KCNIP4: variants seen among roughly 807,000 people sequenced by gnomAD.
KCNIP4 encodes the protein potassium voltage-gated channel interacting protein 4, also known as Kv channel-interacting protein 4.
In KCNIP4, 12 loss-of-function variants were observed where a neutral mutation model predicts 34.0. That is an observed-to-expected ratio of 0.35 (90% confidence interval 0.23 to 0.57). The LOEUF (loss-of-function observed/expected upper bound fraction) is 0.57, where lower values mean the gene tolerates loss of function less well. Ranked by LOEUF, KCNIP4 falls within the 20% of genes least tolerant of loss-of-function variation. The probability of loss-of-function intolerance (pLI) is 0.83; values close to 1 mark genes in which losing one functional copy is unlikely to be tolerated. For missense variants in KCNIP4, 238 were observed against 311.7 expected (o/e 0.76, Z 1.78); for synonymous variants, 124 against 102.2 (o/e 1.21, Z -1.29).
intron 1 of KCNIP4, among the ~76,000 whole-genome samples, chr4:21,349,521 T>G (rs1305724828): frequency 6.6e-6 from 1 of 152,158 alleles, no homozygotes; most frequent in African/African-American, 2.4e-5. Context: ...AAACCTTTAA[T>G]GAAGCCGTAG....
chr4:20,798,607 A>C (rs1322796537), intron 3 of KCNIP4, among the ~76,000 whole-genome samples: 1 of 152,150 alleles, frequency 6.6e-6, no homozygotes, highest in African/African-American at 2.4e-5. Context: ...AGCTCTAGAG[A>C]ATAGCAAAGA....
At chr4:20,896,172 G>T (rs756100968) in intron 1 of KCNIP4, among the ~76,000 whole-genome samples, 1 of 152,036 alleles carries the variant, frequency 6.6e-6, no homozygotes, top group Non-Finnish European at 1.5e-5. Flanking sequence ...ATGCATGCTC[G>T]GTTTGCCAGT....
chr4:21,503,279 T>C (rs1733513401), intron 1 of KCNIP4, among the ~76,000 whole-genome samples: 1 of 152,106 alleles, frequency 6.6e-6, no homozygotes, highest in South Asian at 2.1e-4. Flanking sequence ...TAAATACACC[T>C]CTCTCATTAT....
chr4:21,748,740 T>G (rs1158680600), intron 1 of KCNIP4, among the ~76,000 whole-genome samples: 1 of 152,146 alleles, frequency 6.6e-6, no homozygotes, highest in Non-Finnish European at 1.5e-5. Flanking sequence ...TGTAGTCATC[T>G]GAACTGGCAA....
chr4:21,126,150 T>A (rs1750597612), intron 1 of KCNIP4, among the ~76,000 whole-genome samples: 1 of 152,064 alleles, frequency 6.6e-6, no homozygotes, highest in African/African-American at 2.4e-5. Context: ...TTACCAAGTA[T>A]AAACACAACG....
At chr4:21,468,901 C>A (rs763517463) in intron 1 of KCNIP4, among the ~76,000 whole-genome samples, 1 of 152,240 alleles carries the variant, frequency 6.6e-6, no homozygotes, top group South Asian at 2.1e-4. Flanking sequence ...TCTCACATTG[C>A]TCAACATCAT....
chr4:21,882,641 T>A (rs1442602689), intron 1 of KCNIP4, among the ~76,000 whole-genome samples: 1 of 152,108 alleles, frequency 6.6e-6, no homozygotes, highest in Non-Finnish European at 1.5e-5. Flanking sequence ...ACTGAGAGAC[T>A]GTACCAAAAG....
chr4:21,678,426 C>A (rs1050743014), intron 1 of KCNIP4, among the ~76,000 whole-genome samples: 1 of 150,460 alleles, frequency 6.6e-6, no homozygotes, highest in African/African-American at 2.4e-5. Context: ...GTTTGCTGAC[C>A]TCTGCTCTAC....
At chr4:20,862,663 A>G (rs764005883) in intron 2 of KCNIP4, among the ~76,000 whole-genome samples, 20 of 152,174 alleles carry the variant, frequency 1.3e-4, no homozygotes, top group Admixed American at 6.6e-4. Flanking sequence ...CAAGACACAC[A>G]TATGTGTATG....
In KCNIP4 at chr4:21,435,767, A is replaced by G. The variant is rs148306877; in HGVS notation, c.61+512804T>C. ...TTTTCTCCTCCACTAATTGAATTAA[A>G]GCCAATTCTTAACCGCAGAATGTTT... On this transcript the variant is annotated intron_variant, in intron 1 of 8. Coordinates refer to ENST00000382152, the MANE Select transcript of KCNIP4 (RefSeq NM_025221.6). Among the ~76,000 whole-genome samples, 194 of 152,320 alleles carry G rather than the reference A, an allele frequency of 1.3e-3. 1 individual carries two copies. Among genetic ancestry groups the G allele is most frequent in the African/African-American group, 4.2e-3 (173 of 41,568 alleles).
intron 1 of KCNIP4, among the ~76,000 whole-genome samples, chr4:21,252,155 G>C (rs1446016452): frequency 7.1e-6 from 1 of 140,422 alleles, no homozygotes; most frequent in Admixed American, 7.2e-5. Flanking sequence ...TTGAGACAGA[G>C]TCTCGCTCTG....
intron 1 of KCNIP4, among the ~76,000 whole-genome samples, chr4:21,333,188 T>C (rs1049130737): frequency 8.5e-5 from 13 of 152,104 alleles, no homozygotes; most frequent in African/African-American, 3.1e-4. Flanking sequence ...CTCAACAGAA[T>C]TGGTGATTTT....
At chr4:21,331,181 T>C (rs1715600621) in intron 1 of KCNIP4, among the ~76,000 whole-genome samples, 1 of 152,198 alleles carries the variant, frequency 6.6e-6, no homozygotes, top group African/African-American at 2.4e-5. Flanking sequence ...AATATGCAGA[T>C]ACAGTTTTCC....
intron 1 of KCNIP4, among the ~76,000 whole-genome samples, chr4:20,967,789 T>C (rs1734522613): frequency 6.6e-6 from 1 of 152,136 alleles, no homozygotes. Flanking sequence ...TCAAGATGGA[T>C]TAAAGACTTA....
chr4:20,980,847 T>A (rs899275966), intron 1 of KCNIP4, among the ~76,000 whole-genome samples: 5 of 151,886 alleles, frequency 3.3e-5, no homozygotes, highest in Non-Finnish European at 7.4e-5. Context: ...TGGACTATTG[T>A]GGGTCATATT....
chr4:20,959,480 A>G (rs1733643502), intron 1 of KCNIP4, among the ~76,000 whole-genome samples: 2 of 152,194 alleles, frequency 1.3e-5, no homozygotes, highest in South Asian at 4.1e-4. Flanking sequence ...GAAAGCTAGT[A>G]TATGCTAATT....
At position 21,231,739 on chromosome 4, in the gene KCNIP4, A is replaced by T. The variant is rs185614108; in HGVS notation, c.62-349030T>A. On this transcript the variant is annotated intron_variant, in intron 1 of 8. Transcript: ENST00000382152. ...CTATTCTTGAAAACATCACTGTAGCATTCATTTCATTTGATAAAGATGTGA... is the reference window on the plus strand; with the variant it reads ...CTATTCTTGAAAACATCACTGTAGCTTTCATTTCATTTGATAAAGATGTGA... 2.0e-5 allele frequency among the ~76,000 whole-genome samples: 3 copies of T among 152,308 alleles called. No homozygotes were observed. The East Asian group carries it at 5.8e-4, about 29-fold the overall frequency.
At chr4:21,690,052 T>C (rs745461755) in intron 1 of KCNIP4, among the ~76,000 whole-genome samples, 7 of 150,494 alleles carry the variant, frequency 4.7e-5, no homozygotes, top group Non-Finnish European at 8.9e-5. Context: ...TGCTAAAAAC[T>C]GATTTGTTGG....
At chr4:21,129,785 A>T (rs1443189533) in intron 1 of KCNIP4, among the ~76,000 whole-genome samples, 1 of 152,108 alleles carries the variant, frequency 6.6e-6, no homozygotes, top group African/African-American at 2.4e-5. Flanking sequence ...TTAGGAGTGG[A>T]TTCGCTAAGT....
Sources: gnomAD v4.1 joint callset for allele counts (sites outside exome capture counted in the v4.1 genomes callset) on GRCh38, gnomAD v4.1.1 for gene constraint, MANE v1.5 for transcripts, NCBI Gene and HGNC (gene_info 2026-07-23, HGNC 2026-07-21) for gene names.